Variants in ST8SIA2 observed in about 807,000 individuals in gnomAD.
ST8SIA2 encodes the protein ST8 alpha-N-acetyl-neuraminide alpha-2,8-sialyltransferase 2, also known as alpha-2,8-sialyltransferase 8B.
ST8SIA2 carries 22 observed loss-of-function variants against 37.6 expected under a neutral mutation model. That is an observed-to-expected ratio of 0.58 (90% CI 0.42 to 0.83). The LOEUF is 0.83. ST8SIA2 is among the 40% of genes least tolerant of loss of function. The probability of loss-of-function intolerance (pLI) is 0.00; values close to 1 mark genes in which losing one functional copy is unlikely to be tolerated. For synonymous variants in ST8SIA2, 205 were observed against 201.2 expected (o/e 1.02, Z -0.16); for missense variants, 382 against 484.7 (o/e 0.79, Z 1.99).
At chr15:92,423,494 T>C (rs936477207) in intron 1 of ST8SIA2, among the ~76,000 whole-genome samples, 2 of 152,226 alleles carry the variant, frequency 1.3e-5, no homozygotes, top group African/African-American at 4.8e-5. Context: ...CTAGGCAACT[T>C]AGACAGAACA....
intron 1 of ST8SIA2, among the ~76,000 whole-genome samples, chr15:92,405,989 T>G (rs2049505557): frequency 6.6e-6 from 1 of 152,180 alleles, no homozygotes; most frequent in Non-Finnish European, 1.5e-5. Context: ...GAAGTCCCTT[T>G]CTTTATCACC....
At chr15:92,409,987 A>C (rs1220346809) in intron 1 of ST8SIA2, among the ~76,000 whole-genome samples, 1 of 152,168 alleles carries the variant, frequency 6.6e-6, no homozygotes, top group Non-Finnish European at 1.5e-5. Flanking sequence ...AATGACGAGG[A>C]ATGTGTCTGG....
chr15:92,435,603 C>T lies in ST8SIA2; in HGVS notation c.290+1228C>T, dbSNP rs978665755. 3.9e-5 allele frequency among the ~76,000 whole-genome samples: 6 copies of T among 152,166 alleles called. 1 individual carries two copies. Among genetic ancestry groups the T allele is most frequent in the East Asian group, 3.8e-4 (2 of 5,200 alleles). On this transcript the variant is annotated intron_variant, in intron 3 of 5. Coordinates refer to ENST00000268164, the MANE Select transcript of ST8SIA2 (RefSeq NM_006011.4). Reference sequence around the variant, plus strand: ...CACTGTCAAAATGGAAATGCCTCTGCACCCTAGTTCTTGAAGCTTAGTTTT... The same window carrying T: ...CACTGTCAAAATGGAAATGCCTCTGTACCCTAGTTCTTGAAGCTTAGTTTT...
At chr15:92,450,160 C>T (rs957557535) in intron 5 of ST8SIA2, among the ~76,000 whole-genome samples, 1 of 152,126 alleles carries the variant, frequency 6.6e-6, no homozygotes, top group Non-Finnish European at 1.5e-5. Context: ...TATCAAGGCA[C>T]TCATATAATT....
At chr15:92,434,128 G>A in intron 2 of ST8SIA2, 119 bp from the exon 3 acceptor site, 1 of 1,413,116 alleles carries the variant, frequency 7.1e-7, no homozygotes, top group South Asian at 1.2e-5. Context: ...GGTAATAACT[G>A]CAATTTTGCT....
At chr15:92,405,803 G>A (rs1237055738) in intron 1 of ST8SIA2, among the ~76,000 whole-genome samples, 1 of 152,216 alleles carries the variant, frequency 6.6e-6, no homozygotes, top group Non-Finnish European at 1.5e-5. Flanking sequence ...ATTGTGGAAA[G>A]TGCAAGCATA....
chr15:92,393,942 C>A lies in ST8SIA2; in HGVS notation c.-123C>A, dbSNP rs2049408877. On this transcript the variant is annotated 5_prime_UTR_variant, in exon 1 of 6. Coordinates refer to ENST00000268164, the MANE Select transcript of ST8SIA2 (RefSeq NM_006011.4). ...GCTGCCGCCGCCGGCCCGGACTCGT[C>A]CGGAGCGCAGGGTGTCTGCCCAGCT... 1.4e-5 allele frequency: 6 copies of A among 439,938 alleles called. No homozygotes were observed. The highest frequency in any genetic ancestry group is 2.1e-5 in the Non-Finnish European group (6 of 287,946). The allele number at this position is 439,938 out of a possible 1,614,324, so 27.3% of individuals were successfully genotyped here.
chr15:92,438,822 G>A (rs1056389310), intron 4 of ST8SIA2, among the ~76,000 whole-genome samples: 1 of 152,254 alleles, frequency 6.6e-6, no homozygotes, highest in Non-Finnish European at 1.5e-5. Context: ...GGAGGAGAGG[G>A]GAAGAGAGGC....
At position 92,467,104 on chromosome 15, in the gene ST8SIA2, C is replaced by G. The variant is rs909050750; in HGVS notation, c.*2719C>G. On this transcript the variant is annotated 3_prime_UTR_variant, in exon 6 of 6. Transcript: ENST00000268164. ...CCCAGCCTGCCCGCCATCAGCCACC[C>G]GAGTGGTTCCGACCTCCATTCACCT... is the stretch of plus-strand genomic sequence containing the variant. The G allele has an allele frequency of 1.3e-5, 2 of 153,128 alleles. No homozygotes were observed. Among genetic ancestry groups the G allele is most frequent in the Non-Finnish European group, 2.9e-5 (2 of 68,540 alleles). The allele number at this position is 153,128 out of a possible 1,614,324, so 9.5% of individuals were successfully genotyped here. A position where few individuals can be genotyped will look rare whatever the true frequency, so the allele number is the denominator to read the frequency against.
Position 92,444,782 on chromosome 15 carries a change from G to T in ST8SIA2, c.695G>T (p.Ser232Ile). Residue 232 changes from serine (S) to isoleucine (I), a missense_variant, in exon 5 of 6, where the codon AGC (serine) becomes ATC (isoleucine). Ser to Ile is a moderately radical substitution (Grantham distance 142). Coordinates refer to ENST00000268164, the MANE Select transcript of ST8SIA2 (RefSeq NM_006011.4). ...GAGAAGCTGCTGCAACGGCTGCACAGCCTCAATGGCAGCATCCTGTGGATC... is the reference window on the plus strand; with the variant it reads ...GAGAAGCTGCTGCAACGGCTGCACATCCTCAATGGCAGCATCCTGTGGATC... ...WREKLLQRLH[S>I]LNGSILWIPA... 3 of 1,614,140 alleles carry T rather than the reference G, an allele frequency of 1.9e-6. No individual in the cohort carries two copies. Among genetic ancestry groups the T allele is most frequent in the Non-Finnish European group, 2.5e-6 (3 of 1,180,032 alleles).
At position 92,444,938 on chromosome 15, in the gene ST8SIA2, C is replaced by T; in HGVS notation, c.842+9C>T. 6.2e-7 allele frequency: 1 copy of T among 1,608,138 alleles called. No homozygotes were observed. Among genetic ancestry groups the T allele is most frequent in the Non-Finnish European group, 8.5e-7 (1 of 1,179,996 alleles). On this transcript the variant is annotated intron_variant, in intron 5 of 5. Coordinates refer to ENST00000268164, the MANE Select transcript of ST8SIA2 (RefSeq NM_006011.4). ...CTGCACGCCGTTCGCGGGTGAGCGG[C>T]CTCCCTACAGGCCAGTAGGACCGTC...
intron 5 of ST8SIA2, among the ~76,000 whole-genome samples, chr15:92,462,911 A>T (rs1320044508): frequency 6.6e-6 from 1 of 152,226 alleles, no homozygotes; most frequent in Non-Finnish European, 1.5e-5. Flanking sequence ...ACTGTGATGG[A>T]ACGTAAGAGG....
intron 1 of ST8SIA2, among the ~76,000 whole-genome samples, chr15:92,408,170 TATGA>T (rs1342297748): frequency 2.6e-5 from 4 of 152,092 alleles, no homozygotes; most frequent in African/African-American, 9.6e-5. Flanking sequence ...AAAACAACCT[TATGA>T]ATGATTCAAA....
At chr15:92,404,370 C>T (rs769738135) in intron 1 of ST8SIA2, among the ~76,000 whole-genome samples, 26 of 152,190 alleles carry the variant, frequency 1.7e-4, no homozygotes, top group Non-Finnish European at 1.3e-4. Context: ...GTTAATGATA[C>T]CCAACTTACA....
chr15:92,407,517 A>T (rs567165457), intron 1 of ST8SIA2, among the ~76,000 whole-genome samples: 1 of 152,320 alleles, frequency 6.6e-6, no homozygotes, highest in Admixed American at 6.5e-5. Context: ...GATCTTTCAC[A>T]CAGCACAGGG....
chr15:92,442,580 C>T (rs1399449337), intron 4 of ST8SIA2, among the ~76,000 whole-genome samples: 9 of 152,132 alleles, frequency 5.9e-5, no homozygotes, highest in African/African-American at 2.2e-4. Flanking sequence ...CTAGAATTGG[C>T]CCCAGGACCC....
intron 1 of ST8SIA2, among the ~76,000 whole-genome samples, chr15:92,404,974 G>A (rs1316264483): frequency 6.6e-6 from 1 of 152,134 alleles, no homozygotes; most frequent in Non-Finnish European, 1.5e-5. Context: ...ACAAAATATG[G>A]TAGATGCTGG....
At chr15:92,432,961 T>A (rs1017582739) in intron 2 of ST8SIA2, among the ~76,000 whole-genome samples, 8 of 151,982 alleles carry the variant, frequency 5.3e-5, no homozygotes, top group Non-Finnish European at 1.2e-4. Context: ...CGAAACCCCA[T>A]CTTTACTAAA....
intron 1 of ST8SIA2, among the ~76,000 whole-genome samples, chr15:92,414,673 A>G (rs2049574071): frequency 6.6e-6 from 1 of 152,212 alleles, no homozygotes. Context: ...AACTCTGGTA[A>G]TGATTACTCT....
Sources: gnomAD v4.1 joint callset for allele counts (sites outside exome capture counted in the v4.1 genomes callset) on GRCh38, gnomAD v4.1.1 for gene constraint, MANE v1.5 for transcripts, NCBI Gene and HGNC (gene_info 2026-07-23, HGNC 2026-07-21) for gene names.